The following CDH13 variants were observed in gnomAD, a reference collection of about 807,000 sequenced individuals.
The protein encoded by CDH13 is cadherin-13.
CDH13 carries 24 observed loss-of-function variants against 63.8 expected under a neutral mutation model. The observed-to-expected ratio is 0.38, with a 90% CI of 0.27 to 0.53. The LOEUF (loss-of-function observed/expected upper bound fraction) is 0.53, where lower values mean the gene tolerates loss of function less well. Among genes scored for constraint, CDH13 ranks in the 20% least tolerant of loss-of-function variants. The pLI is 0.85. For missense variants in CDH13, 1,049 were observed against 903.1 expected, an observed-to-expected ratio of 1.16 and a Z score of -2.07; for synonymous variants, 503 against 355.3, an observed-to-expected ratio of 1.42 and a Z score of -4.67.
chr16:83,586,768 G>A (rs1281424749), intron 7 of CDH13, among the ~76,000 whole-genome samples: 3 of 152,138 alleles, frequency 2.0e-5, no homozygotes, highest in Non-Finnish European at 4.4e-5. Flanking sequence ...ATAAAATCAC[G>A]GGGGGAGCCT....
rs76637774 is a variant in CDH13 at position 83,353,080 on chromosome 16, G to A, written c.781+8074G>A. 4.8e-3 allele frequency among the ~76,000 whole-genome samples: 732 copies of A among 152,292 alleles called. 17 individuals are homozygous for A. The highest frequency in any genetic ancestry group is 0.032 in the Admixed American group (487 of 15,290). Reference sequence around the variant, plus strand: ...TTTGGAGACTCAGAAGGGTGGAAGCGTGGCAAGGGTGTAACGTGTGAGAAA... The same window carrying A: ...TTTGGAGACTCAGAAGGGTGGAAGCATGGCAAGGGTGTAACGTGTGAGAAA... On this transcript the variant is annotated intron_variant, in intron 6 of 13. Transcript: ENST00000567109.
intron 1 of CDH13, among the ~76,000 whole-genome samples, chr16:82,845,022 GC>G (rs1282312534): frequency 5.3e-5 from 8 of 152,150 alleles, no homozygotes; most frequent in African/African-American, 4.8e-5. Context: ...ATTGATACAC[GC>G]GGGCATGTTT....
At chr16:82,678,435 T>C (rs1914183159) in intron 1 of CDH13, among the ~76,000 whole-genome samples, 2 of 152,054 alleles carry the variant, frequency 1.3e-5, no homozygotes. Context: ...CAGTCTAGAA[T>C]GTTCACTTCT....
chr16:82,844,213 G>A (rs917082864), intron 1 of CDH13, among the ~76,000 whole-genome samples: 4 of 152,142 alleles, frequency 2.6e-5, no homozygotes, highest in African/African-American at 4.8e-5. Context: ...GAGAAAAACA[G>A]GTGAGAAGAG....
intron 1 of CDH13, among the ~76,000 whole-genome samples, chr16:82,818,429 G>A (rs1004191160): frequency 3.3e-5 from 5 of 152,102 alleles, no homozygotes; most frequent in Admixed American, 2.6e-4. Context: ...TATGTTCATC[G>A]AGCTACTCAC....
chr16:83,647,773 C>G (rs1234715351), intron 8 of CDH13, among the ~76,000 whole-genome samples: 1 of 152,126 alleles, frequency 6.6e-6, no homozygotes, highest in Admixed American at 6.5e-5. Context: ...TGGTGGGTAC[C>G]AGCAGTGGTG....
chr16:82,934,344 G>T (rs370032102), intron 2 of CDH13, among the ~76,000 whole-genome samples: 1 of 152,192 alleles, frequency 6.6e-6, no homozygotes, highest in African/African-American at 2.4e-5. Context: ...TTTATCCATG[G>T]CTGGAGAAGC....
At chr16:83,260,384 C>T (rs921805031) in intron 5 of CDH13, among the ~76,000 whole-genome samples, 2 of 152,140 alleles carry the variant, frequency 1.3e-5, no homozygotes, top group South Asian at 2.1e-4. Flanking sequence ...GTCCAGTGTT[C>T]TGGAAAGAAT....
chr16:83,263,840 G>C (rs921883323), intron 5 of CDH13, among the ~76,000 whole-genome samples: 2 of 152,042 alleles, frequency 1.3e-5, no homozygotes, highest in Middle Eastern at 3.2e-3. Flanking sequence ...TTGACGGCTA[G>C]AGACACTGTG....
chr16:83,792,891 G>C (rs1916367967), intron 13 of CDH13, among the ~76,000 whole-genome samples: 1 of 152,100 alleles, frequency 6.6e-6, no homozygotes, highest in Non-Finnish European at 1.5e-5. Flanking sequence ...TGTAATCATT[G>C]TAAAAATGAA....
intron 1 of CDH13, among the ~76,000 whole-genome samples, chr16:82,845,749 A>C (rs1247563813): frequency 6.6e-6 from 1 of 152,186 alleles, no homozygotes; most frequent in African/African-American, 2.4e-5. Flanking sequence ...ATGGCATTCG[A>C]CATCACTAAT....
At chr16:82,943,975 A>T (rs376548630) in intron 2 of CDH13, among the ~76,000 whole-genome samples, 2 of 152,194 alleles carry the variant, frequency 1.3e-5, no homozygotes, top group South Asian at 4.1e-4. Context: ...CATCTTATTC[A>T]GGTCTGGCTT....
chr16:83,722,554 A>T (rs1328904223), intron 10 of CDH13, among the ~76,000 whole-genome samples: 2 of 152,242 alleles, frequency 1.3e-5, no homozygotes, highest in South Asian at 2.1e-4. Context: ...AGAGAATCAG[A>T]TGTTAAACAT....
intron 6 of CDH13, among the ~76,000 whole-genome samples, chr16:83,379,936 T>TAGAGAGAGAGAGAGAG (rs71272415): frequency 3.3e-5 from 3 of 91,814 alleles, no homozygotes; most frequent in Non-Finnish European, 4.6e-5. Context: ...TATATATATA[T>TAGAGAGAGAGAGAGAG]ATAGAGAGAG....
In CDH13 at chr16:83,602,606, T is replaced by A; in HGVS notation, c.1101+12T>A. 6.2e-7 allele frequency: 1 copy of A among 1,613,784 alleles called. No homozygotes were observed. The highest frequency in any genetic ancestry group is 8.5e-7 in the Non-Finnish European group (1 of 1,179,714). ...TCACCAAGAAAGAGGTAAACCCCTGTGCCAAACACCAACCACCACTGTGGT... is the reference window on the plus strand; with the variant it reads ...TCACCAAGAAAGAGGTAAACCCCTGAGCCAAACACCAACCACCACTGTGGT... On this transcript the variant is annotated intron_variant, in intron 8 of 13. Coordinates refer to ENST00000567109, the MANE Select transcript of CDH13 (RefSeq NM_001257.5).
chr16:83,671,087 C>T, intron 9 of CDH13, 115 bp downstream of exon 9: 2 of 887,764 alleles, frequency 2.3e-6, no homozygotes, highest in Admixed American at 2.4e-5. Context: ...CAGTCTCCTC[C>T]TTCTGGGAAT....
intron 1 of CDH13, among the ~76,000 whole-genome samples, chr16:82,641,594 C>G (rs1170225749): frequency 6.6e-6 from 1 of 152,154 alleles, no homozygotes; most frequent in Non-Finnish European, 1.5e-5. Context: ...ATTCTCATTA[C>G]TTTTCAACAA....
At chr16:83,661,180 A>T (rs1913407815) in intron 8 of CDH13, among the ~76,000 whole-genome samples, 1 of 151,826 alleles carries the variant, frequency 6.6e-6, no homozygotes, top group Non-Finnish European at 1.5e-5. Context: ...CCTTGGTAGG[A>T]CTCCTGTACC....
At chr16:83,459,836 G>T (rs1343097837) in intron 6 of CDH13, among the ~76,000 whole-genome samples, 1 of 152,222 alleles carries the variant, frequency 6.6e-6, no homozygotes, top group African/African-American at 2.4e-5. Context: ...TGGAGTATGA[G>T]CATTGTAGTT....
Sources: allele counts gnomAD v4.1 joint callset (sites outside exome capture counted in the v4.1 genomes callset), GRCh38; gene constraint gnomAD v4.1.1; transcripts MANE v1.5; gene names NCBI Gene and HGNC (gene_info 2026-07-23, HGNC 2026-07-21).